The following WASL variants were observed in gnomAD, a reference collection of about 807,000 sequenced individuals.
WASL encodes actin nucleation-promoting factor WASL.
A neutral mutation model predicts 55.5 loss-of-function variants in WASL; 20 were observed. The ratio of observed to expected loss-of-function variants is 0.36; its 90% confidence interval spans 0.25 to 0.52. WASL has a LOEUF of 0.52. Among genes scored for constraint, WASL ranks in the 20% least tolerant of loss-of-function variants. WASL has a pLI of 0.92. For synonymous variants in WASL, 249 were observed against 217.6 expected (o/e 1.14, Z -1.27); for missense variants, 504 against 622.5 (o/e 0.81, Z 2.03).
At chr7:123,698,032 G>A (rs1803518656) in intron 5 of WASL, among the ~76,000 whole-genome samples, 1 of 151,660 alleles carries the variant, frequency 6.6e-6, no homozygotes, top group South Asian at 2.1e-4. Flanking sequence ...TTCTCCACTG[G>A]GAGAACTCTT....
chr7:123,730,649 G>C (rs1804122041), intron 1 of WASL, among the ~76,000 whole-genome samples: 1 of 151,916 alleles, frequency 6.6e-6, no homozygotes, highest in Non-Finnish European at 1.5e-5. Flanking sequence ...AAAGACTAAG[G>C]ACAACAAAAA....
chr7:123,688,936 CA>C (rs1161101071), intron 10 of WASL, 105 bp downstream of exon 10: 3 of 1,005,420 alleles, frequency 3.0e-6, no homozygotes, highest in African/African-American at 1.6e-5. Flanking sequence ...AGAAAGCTAG[CA>C]AAGACAGTCA....
At chr7:123,730,860 C>T (rs754487386) in intron 1 of WASL, among the ~76,000 whole-genome samples, 1 of 152,026 alleles carries the variant, frequency 6.6e-6, no homozygotes, top group Non-Finnish European at 1.5e-5. Flanking sequence ...GGGTAAATTG[C>T]ATGTCACAGG....
chr7:123,740,234 T>C (rs1804314726), intron 1 of WASL, among the ~76,000 whole-genome samples: 1 of 152,022 alleles, frequency 6.6e-6, no homozygotes, highest in Admixed American at 6.6e-5. Context: ...TATATATCTT[T>C]CATTTGATCA....
rs1395379 is a variant in WASL, at chr7:123,707,767, C to T, written c.253-941G>A. Among the ~76,000 whole-genome samples, 380 of 152,248 alleles carry T rather than the reference C, an allele frequency of 2.5e-3. 3 individuals are homozygous for T. Among genetic ancestry groups the T allele is most frequent in the African/African-American group, 8.5e-3 (351 of 41,538 alleles). On this transcript the variant is annotated intron_variant, in intron 2 of 10. Transcript: ENST00000223023. ...GCACTTGGGGGTTTCTTTCAAACTACGTATGTGTTCCCCACCCCCCAGAAT... is the reference window on the plus strand; with the variant it reads ...GCACTTGGGGGTTTCTTTCAAACTATGTATGTGTTCCCCACCCCCCAGAAT...
chr7:123,746,583 C>T (rs1804434073), intron 1 of WASL, among the ~76,000 whole-genome samples: 1 of 152,204 alleles, frequency 6.6e-6, no homozygotes, highest in Non-Finnish European at 1.5e-5. Context: ...TTAGTATTTG[C>T]AACGACTTCA....
intron 9 of WASL, among the ~76,000 whole-genome samples, chr7:123,689,919 T>C (rs1803371228): frequency 6.6e-6 from 1 of 152,140 alleles, no homozygotes; most frequent in African/African-American, 2.4e-5. Flanking sequence ...TAGACAAACT[T>C]TCCATTTTGA....
intron 2 of WASL, among the ~76,000 whole-genome samples, chr7:123,708,244 T>C (rs918402074): frequency 2.0e-5 from 3 of 152,166 alleles, no homozygotes; most frequent in Non-Finnish European, 2.9e-5. Flanking sequence ...AGATCTCATT[T>C]AATCTCAGTG....
At chr7:123,696,541 CA>C in intron 6 of WASL, 37 bp downstream of exon 6, 1 of 1,493,458 alleles carries the variant, frequency 6.7e-7, no homozygotes, top group Non-Finnish European at 8.9e-7. Flanking sequence ...ATGAATAAAT[CA>C]AAAGTGAAGA....
At chr7:123,727,955 A>G (rs1804079436) in intron 1 of WASL, among the ~76,000 whole-genome samples, 1 of 152,202 alleles carries the variant, frequency 6.6e-6, no homozygotes, top group Admixed American at 6.5e-5. Flanking sequence ...AAGCTCTTAT[A>G]AACAATAAAC....
At chr7:123,695,984 C>T (rs1052337945) in intron 6 of WASL, 119 bp from the exon 7 acceptor site, 15 of 814,568 alleles carry the variant, frequency 1.8e-5, no homozygotes, top group Admixed American at 6.8e-5. Flanking sequence ...ACTAACAGTT[C>T]TCACAGACAT....
intron 5 of WASL, among the ~76,000 whole-genome samples, chr7:123,700,179 A>T (rs1803559423): frequency 3.0e-5 from 1 of 33,264 alleles, no homozygotes; most frequent in Non-Finnish European, 5.0e-5. Flanking sequence ...CCGTCTCAAA[A>T]AAAAAAAAAA....
intron 1 of WASL, among the ~76,000 whole-genome samples, chr7:123,710,988 C>T (rs979247538): frequency 4.6e-5 from 7 of 152,222 alleles, no homozygotes; most frequent in African/African-American, 1.4e-4. Context: ...AAGGAGAATT[C>T]GCATAAAGTC....
chr7:123,711,917 T>C (rs182831597), intron 1 of WASL, among the ~76,000 whole-genome samples: 14 of 152,298 alleles, frequency 9.2e-5, no homozygotes, highest in Admixed American at 5.9e-4. Context: ...ACAGAACCTG[T>C]CATATCTTGT....
chr7:123,748,505 G>C (rs569966322), intron 1 of WASL, 113 bp downstream of exon 1: 1 of 1,109,110 alleles, frequency 9.0e-7, no homozygotes, highest in African/African-American at 1.6e-5. Flanking sequence ...CGGGGCTGGC[G>C]GGAGGCCTGG....
At chr7:123,694,605 C>T (rs967105301) in intron 8 of WASL, 110 bp downstream of exon 8, 2 of 1,161,380 alleles carry the variant, frequency 1.7e-6, no homozygotes, top group African/African-American at 1.6e-5. Context: ...CCATAGACTT[C>T]AACATTCTGC....
chr7:123,696,892 A>G (rs1327134728), intron 5 of WASL, 145 bp from the exon 6 acceptor site: 4 of 616,118 alleles, frequency 6.5e-6, no homozygotes, highest in Non-Finnish European at 9.2e-6. Context: ...TTTTTTTCAT[A>G]AAGTGCTGCC....
At chr7:123,740,595 C>CT (rs939774304) in intron 1 of WASL, among the ~76,000 whole-genome samples, 18 of 149,846 alleles carry the variant, frequency 1.2e-4, no homozygotes, top group East Asian at 5.9e-4. Flanking sequence ...TTCATCATAA[C>CT]TTTTTTTTTT....
chr7:123,749,003 C>T lies in WASL; in HGVS notation c.-269G>A, dbSNP rs1051830985. On this transcript the variant is annotated 5_prime_UTR_variant, in exon 1 of 11. Transcript: ENST00000223023. ...CGTTGTCCTCGCACTCCGGCGACTG[C>T]GCTAAACTCCCAACTCCTCCCCCAA... 2 of 491,070 alleles carry T rather than the reference C, an allele frequency of 4.1e-6. No homozygotes were observed. Among genetic ancestry groups the T allele is most frequent in the Non-Finnish European group, 7.1e-6 (2 of 281,386 alleles). 30.4% of individuals were successfully genotyped at this position (491,070 alleles called of 1,614,324 possible).
Sources: allele counts gnomAD v4.1 joint callset (sites outside exome capture counted in the v4.1 genomes callset), GRCh38; gene constraint gnomAD v4.1.1; transcripts MANE v1.5; gene names NCBI Gene and HGNC (gene_info 2026-07-23, HGNC 2026-07-21).